Variants in DNAH8 observed in about 807,000 individuals in gnomAD.
DNAH8 encodes dynein axonemal heavy chain 8.
In DNAH8, 382 loss-of-function variants were observed where a neutral mutation model predicts 562.1. The observed-to-expected ratio is 0.68, with a 90% CI of 0.63 to 0.74. The LOEUF is 0.74. Among genes scored for constraint, DNAH8 ranks in the 30% least tolerant of loss-of-function variants. The probability of loss-of-function intolerance (pLI) is 0.00; values close to 1 mark genes in which losing one functional copy is unlikely to be tolerated. For synonymous variants in DNAH8, 1,881 were observed against 1,919.4 expected, an observed-to-expected ratio of 0.98 and a Z score of 0.52; for missense variants, 5,203 against 5,620.4, an observed-to-expected ratio of 0.93 and a Z score of 2.37.
At chr6:38,910,544 G>A (rs1434716015) in intron 65 of DNAH8, among the ~76,000 whole-genome samples, 1 of 152,098 alleles carries the variant, frequency 6.6e-6, no homozygotes, top group Non-Finnish European at 1.5e-5. Context: ...GTGAATCAGT[G>A]TATACTAATT....
chr6:38,948,809 A>G (rs1220658313), intron 80 of DNAH8, among the ~76,000 whole-genome samples: 1 of 152,180 alleles, frequency 6.6e-6, no homozygotes, highest in Non-Finnish European at 1.5e-5. Context: ...ATGCTTCTGA[A>G]CAATATTTAA....
chr6:38,930,904 C>A (rs892524605), intron 75 of DNAH8, among the ~76,000 whole-genome samples: 10 of 152,064 alleles, frequency 6.6e-5, no homozygotes, highest in African/African-American at 2.4e-4. Flanking sequence ...CCAACATCTC[C>A]CCATTTCTCC....
Position 39,030,453 on chromosome 6 carries a change from C to A in DNAH8, c.*61C>A. On this transcript the variant is annotated 3_prime_UTR_variant, in exon 93 of 93. Coordinates refer to ENST00000327475, the MANE Select transcript of DNAH8 (RefSeq NM_001206927.2). ...ATAGACAGCCTGTGCTATTGAGGGA[C>A]TCAGTGATGTGTGTGTCTTTTCTCC... The A allele has an allele frequency of 7.1e-7, 1 of 1,411,236 alleles. No individual in the cohort carries two copies. The highest frequency in any genetic ancestry group is 9.8e-7 in the Non-Finnish European group (1 of 1,020,412). 87.4% of individuals were successfully genotyped at this position (1,411,236 alleles called of 1,614,324 possible).
chr6:39,002,724 G>A (rs1294830403), intron 88 of DNAH8, among the ~76,000 whole-genome samples: 3 of 152,114 alleles, frequency 2.0e-5, no homozygotes, highest in Non-Finnish European at 4.4e-5. Context: ...GTCAATTTTT[G>A]TTCATTAAAA....
In DNAH8 at chr6:38,755,340, A is replaced by T. The variant is rs564666794; in HGVS notation, c.1408-632A>T. The stretch of plus-strand genomic sequence containing the variant: ...AGTAAGCAGTCAGTTTATGTTCAGG[A>T]TTGTTTTATATCCTTGTTGTACTTG... On this transcript the variant is annotated intron_variant, in intron 9 of 92. Transcript: ENST00000327475. Among the ~76,000 whole-genome samples the T allele has an allele frequency of 5.9e-5, 9 of 152,162 alleles. No individual in the cohort carries two copies. The East Asian group carries it at 1.7e-3, about 29-fold the overall frequency.
At chr6:38,941,856 G>C (rs528776737) in intron 79 of DNAH8, among the ~76,000 whole-genome samples, 16 of 152,294 alleles carry the variant, frequency 1.1e-4, no homozygotes, top group African/African-American at 3.9e-4. Context: ...ACCATGGTCT[G>C]AATGTTTGTG....
intron 82 of DNAH8, among the ~76,000 whole-genome samples, chr6:38,961,292 A>G (rs1190923072): frequency 6.6e-6 from 1 of 152,044 alleles, no homozygotes; most frequent in East Asian, 1.9e-4. Flanking sequence ...AGAAGAGAGA[A>G]TATTGAATGC....
chr6:38,878,574 T>C (rs1033065372), intron 53 of DNAH8, among the ~76,000 whole-genome samples: 5 of 152,218 alleles, frequency 3.3e-5, no homozygotes, highest in Admixed American at 3.3e-4. Flanking sequence ...AAATCTCTTA[T>C]TAGAGACATC....
chr6:38,985,453 G>A (rs1025645238), intron 87 of DNAH8, among the ~76,000 whole-genome samples: 4 of 152,148 alleles, frequency 2.6e-5, no homozygotes, highest in Admixed American at 1.3e-4. Context: ...TGATAAGCTG[G>A]GGGTTGACTA....
chr6:38,948,147 G>A (rs1215500150), intron 80 of DNAH8, among the ~76,000 whole-genome samples: 2 of 152,090 alleles, frequency 1.3e-5, no homozygotes, highest in Non-Finnish European at 2.9e-5. Flanking sequence ...TCTGTATCCT[G>A]TATGATGAAT....
intron 26 of DNAH8, among the ~76,000 whole-genome samples, chr6:38,819,707 A>C (rs1772641266): frequency 6.6e-6 from 1 of 152,174 alleles, no homozygotes; most frequent in Non-Finnish European, 1.5e-5. Flanking sequence ...GATTGTCCTT[A>C]TTTAAAGATT....
chr6:38,945,157 C>A (rs1379415208), intron 79 of DNAH8, among the ~76,000 whole-genome samples: 1 of 151,958 alleles, frequency 6.6e-6, no homozygotes. Flanking sequence ...TCATTGATAT[C>A]AAAATTATAA....
chr6:38,871,447 A>G (rs1777459471), intron 49 of DNAH8, among the ~76,000 whole-genome samples: 1 of 152,198 alleles, frequency 6.6e-6, no homozygotes, highest in Non-Finnish European at 1.5e-5. Context: ...TGCCATCTCA[A>G]TGGGTGGCGA....
chr6:39,026,200 C>T (rs1289615502), intron 91 of DNAH8, among the ~76,000 whole-genome samples: 2 of 152,146 alleles, frequency 1.3e-5, no homozygotes, highest in Non-Finnish European at 2.9e-5. Context: ...CGATCTTATT[C>T]CTCAATATTA....
chr6:39,029,295 G>A (rs1372870510), intron 92 of DNAH8, among the ~76,000 whole-genome samples: 1 of 151,922 alleles, frequency 6.6e-6, no homozygotes, highest in African/African-American at 2.4e-5. Flanking sequence ...TCCAAACACA[G>A]CCCCCTGCTG....
At chr6:39,001,693 T>C (rs1765496416) in intron 88 of DNAH8, among the ~76,000 whole-genome samples, 1 of 152,116 alleles carries the variant, frequency 6.6e-6, no homozygotes, top group Non-Finnish European at 1.5e-5. Flanking sequence ...ATGAAAAAGG[T>C]TTGTATGCCA....
At chr6:38,945,088 T>C (rs1009405361) in intron 79 of DNAH8, among the ~76,000 whole-genome samples, 10 of 152,132 alleles carry the variant, frequency 6.6e-5, no homozygotes, top group Admixed American at 3.3e-4. Context: ...GGCAAGCTTC[T>C]GGAGGAGTAA....
intron 14 of DNAH8, 75 bp from the exon 15 acceptor site, chr6:38,779,887 AATGG>A: frequency 7.5e-7 from 1 of 1,325,144 alleles, no homozygotes; most frequent in Non-Finnish European, 1.1e-6. Context: ...CAAATGAATG[AATGG>A]ATGGTTAGTA....
chr6:39,026,596 G>A lies in DNAH8; in HGVS notation c.13765G>A (p.Ala4589Thr). Reference sequence around the variant, plus strand: ...AGTGACCCGTGCCCACAAAGGCTGGGCACTGGACACTGTGACCATCCACAA... The same window carrying A: ...AGTGACCCGTGCCCACAAAGGCTGGACACTGGACACTGTGACCATCCACAA... The part of the protein sequence containing the change: ...QEVTRAHKGW[A>T]LDTVTIHNEV... The change falls in exon 92 of 93, where the codon GCA (alanine) becomes ACA (threonine). Residue 4589 changes from alanine to threonine, a missense_variant. Physicochemically the swap from Ala to Thr is moderately conservative, Grantham distance 58. Coordinates refer to ENST00000327475, the MANE Select transcript of DNAH8 (RefSeq NM_001206927.2). The A allele has an allele frequency of 1.2e-6, 2 of 1,613,096 alleles. No individual in the cohort carries two copies. The highest frequency in any genetic ancestry group is 1.7e-6 in the Non-Finnish European group (2 of 1,179,504).
Sources: allele counts gnomAD v4.1 joint callset (sites outside exome capture counted in the v4.1 genomes callset), GRCh38; gene constraint gnomAD v4.1.1; transcripts MANE v1.5; gene names NCBI Gene and HGNC (gene_info 2026-07-23, HGNC 2026-07-21).